The following SLC25A48 variants were observed in gnomAD, a reference collection of about 807,000 sequenced individuals.
SLC25A48 encodes solute carrier family 25 member 48.
Under a neutral mutation model 32.2 loss-of-function variants are expected in SLC25A48, and 29 were observed. The ratio of observed to expected loss-of-function variants is 0.90; its 90% CI spans 0.67 to 1.23. The LOEUF is 1.23. SLC25A48 is among the 50% of genes most tolerant of loss of function. The pLI is 0.00. For missense variants in SLC25A48, 399 were observed against 422.7 expected (o/e 0.94, Z 0.49); for synonymous variants, 164 against 172.3 (o/e 0.95, Z 0.38).
intron 7 of SLC25A48, among the ~76,000 whole-genome samples, chr5:135,881,331 G>C (rs929218015): frequency 7.9e-5 from 12 of 152,182 alleles, no homozygotes; most frequent in Admixed American, 7.2e-4. Flanking sequence ...GGGCATTCTC[G>C]GGACGGCAGA....
At chr5:135,870,718 G>A (rs1761567588) in intron 4 of SLC25A48, among the ~76,000 whole-genome samples, 2 of 152,144 alleles carry the variant, frequency 1.3e-5, no homozygotes, top group South Asian at 2.1e-4. Flanking sequence ...AGTTGATAAC[G>A]TTTTAAGCCC....
At chr5:135,740,262 C>T (rs962570088) in intron 3 of SLC25A48, among the ~76,000 whole-genome samples, 3 of 151,940 alleles carry the variant, frequency 2.0e-5, no homozygotes, top group African/African-American at 7.3e-5. Context: ...GGGGTGATCT[C>T]GGCTCACTGC....
chr5:135,746,997 G>GTTTT (rs71583237), intron 3 of SLC25A48, among the ~76,000 whole-genome samples: 2 of 148,954 alleles, frequency 1.3e-5, no homozygotes, highest in East Asian at 2.0e-4. Flanking sequence ...ATTTTTTGTT[G>GTTTT]TTGTTTTTTT....
intron 3 of SLC25A48, among the ~76,000 whole-genome samples, chr5:135,685,358 A>C (rs1753998186): frequency 6.7e-6 from 1 of 149,784 alleles, no homozygotes; most frequent in Middle Eastern, 3.5e-3. Context: ...AGAAAATTCG[A>C]CTCTTGTAAT....
intron 1 of SLC25A48, among the ~76,000 whole-genome samples, chr5:135,841,450 C>A (rs1259948039): frequency 2.0e-5 from 3 of 152,146 alleles, no homozygotes; most frequent in African/African-American, 7.2e-5. Flanking sequence ...CCCTGTTTAG[C>A]TCCTACTGGG....
rs1172211187 is a variant in SLC25A48, at chr5:135,801,900, T to A, written c.-520-10623T>A. On this transcript the variant is annotated intron_variant, in intron 3 of 10. Transcript: ENST00000646290. The stretch of plus-strand genomic sequence containing the variant: ...GCAATATTGCAAGAAGTGTACACCC[T>A]CTCTGATACTTTTCATAATATTTAG... 2.6e-5 allele frequency among the ~76,000 whole-genome samples: 4 copies of A among 151,822 alleles called. No individual in the cohort carries two copies. The East Asian group carries it at 7.8e-4, about 29-fold the overall frequency.
intron 1 of SLC25A48, among the ~76,000 whole-genome samples, chr5:135,586,078 A>G (rs970730218): frequency 6.6e-6 from 1 of 152,230 alleles, no homozygotes; most frequent in Non-Finnish European, 1.5e-5. Flanking sequence ...CATTTTACAG[A>G]TGAGGAAACT....
chr5:135,583,642 A>G (rs539082154), intron 1 of SLC25A48, among the ~76,000 whole-genome samples: 37 of 151,768 alleles, frequency 2.4e-4, no homozygotes, highest in African/African-American at 8.7e-4. Context: ...AATGTTAGCC[A>G]GCCTCCTGTC....
intron 3 of SLC25A48, among the ~76,000 whole-genome samples, chr5:135,767,322 G>A (rs1282793881): frequency 6.6e-6 from 1 of 151,908 alleles, no homozygotes; most frequent in African/African-American, 2.4e-5. Flanking sequence ...ATCGTGGAAG[G>A]CGTACACTCG....
At chr5:135,581,400 T>A in intron 1 of SLC25A48, among the ~76,000 whole-genome samples, 1 of 152,244 alleles carries the variant, frequency 6.6e-6, no homozygotes. Context: ...CCATGGCACA[T>A]GCCCATTTTA....
intron 3 of SLC25A48, among the ~76,000 whole-genome samples, chr5:135,635,582 T>C (rs924157048): frequency 6.6e-6 from 1 of 152,244 alleles, no homozygotes; most frequent in Non-Finnish European, 1.5e-5. Flanking sequence ...CTGGTCATTT[T>C]GCCTTGAATG....
At chr5:135,838,017 C>G (rs1441757068) in intron 1 of SLC25A48, among the ~76,000 whole-genome samples, 25 of 152,168 alleles carry the variant, frequency 1.6e-4, no homozygotes, top group Non-Finnish European at 1.5e-5. Flanking sequence ...TTGGAGCTTC[C>G]TAGAGACTTG....
At chr5:135,596,228 G>A (rs1374433094) in intron 1 of SLC25A48, among the ~76,000 whole-genome samples, 1 of 152,158 alleles carries the variant, frequency 6.6e-6, no homozygotes, top group Non-Finnish European at 1.5e-5. Flanking sequence ...GGAGCCCTAG[G>A]GGTGTTTTTT....
chr5:135,635,449 A>G (rs980295048), intron 3 of SLC25A48, among the ~76,000 whole-genome samples: 1 of 152,240 alleles, frequency 6.6e-6, no homozygotes, highest in African/African-American at 2.4e-5. Context: ...AATCCCAGGC[A>G]TGGGACCTCT....
At chr5:135,756,410 T>A (rs1464553130) in intron 3 of SLC25A48, among the ~76,000 whole-genome samples, 1 of 152,056 alleles carries the variant, frequency 6.6e-6, no homozygotes, top group East Asian at 1.9e-4. Flanking sequence ...ATCGACCTTG[T>A]GTGGTGGCTC....
intron 2 of SLC25A48, among the ~76,000 whole-genome samples, chr5:135,850,189 C>A (rs1011054043): frequency 6.6e-6 from 1 of 152,230 alleles, no homozygotes; most frequent in Non-Finnish European, 1.5e-5. Context: ...GCACAACTAG[C>A]TGGCCTTTGC....
At chr5:135,708,248 C>T (rs548318406) in intron 3 of SLC25A48, among the ~76,000 whole-genome samples, 4 of 152,336 alleles carry the variant, frequency 2.6e-5, no homozygotes, top group Non-Finnish European at 5.9e-5. Context: ...TCAGCTTCAA[C>T]AATGAGCAGC....
At chr5:135,616,561 C>T (rs948227992) in intron 1 of SLC25A48, among the ~76,000 whole-genome samples, 3 of 152,150 alleles carry the variant, frequency 2.0e-5, no homozygotes, top group African/African-American at 7.2e-5. Flanking sequence ...GAGCACTTAC[C>T]CAATGCTTGT....
chr5:135,583,809 G>A (rs1171890900), intron 1 of SLC25A48, among the ~76,000 whole-genome samples: 2 of 152,170 alleles, frequency 1.3e-5, no homozygotes, highest in Admixed American at 6.5e-5. Context: ...CCTGGCGGGT[G>A]CCTCTCCCTC....
Sources: allele counts gnomAD v4.1 joint callset (sites outside exome capture counted in the v4.1 genomes callset), GRCh38; gene constraint gnomAD v4.1.1; transcripts MANE v1.5; gene names NCBI Gene and HGNC (gene_info 2026-07-23, HGNC 2026-07-21).